PRKN: variants seen among roughly 807,000 people sequenced by gnomAD.
The protein encoded by PRKN is E3 ubiquitin-protein ligase parkin.
Under a neutral mutation model 59.5 loss-of-function variants are expected in PRKN, and 56 were observed. That is an observed-to-expected ratio of 0.94 (90% CI 0.76 to 1.18). PRKN has a LOEUF of 1.18. Ranked by LOEUF, PRKN falls within the 50% of genes most tolerant of loss-of-function variation. The probability of loss-of-function intolerance (pLI) is 0.00; values close to 1 mark genes in which losing one functional copy is unlikely to be tolerated. For missense variants in PRKN, 657 were observed against 596.4 expected (o/e 1.10, Z -1.06); for synonymous variants, 250 against 222.1 (o/e 1.13, Z -1.12).
chr6:162,602,250 G>A (rs973967867), intron 1 of PRKN, among the ~76,000 whole-genome samples: 1 of 152,188 alleles, frequency 6.6e-6, no homozygotes, highest in African/African-American at 2.4e-5. Context: ...TTGAGAGGGA[G>A]AGAAGAGAGA....
intron 6 of PRKN, among the ~76,000 whole-genome samples, chr6:161,867,414 A>G (rs1360172311): frequency 1.3e-5 from 2 of 152,228 alleles, no homozygotes; most frequent in South Asian, 2.1e-4. Context: ...GCAACCTTGT[A>G]AAAATGTAAA....
At chr6:161,674,592 G>A (rs892399914) in intron 7 of PRKN, among the ~76,000 whole-genome samples, 3 of 152,078 alleles carry the variant, frequency 2.0e-5, no homozygotes, top group African/African-American at 4.8e-5. Flanking sequence ...GGAGGTACAC[G>A]TGCTTGTTTG....
intron 1 of PRKN, 141 bp from the exon 2 acceptor site, chr6:162,443,614 A>T: frequency 2.5e-6 from 2 of 789,542 alleles, no homozygotes; most frequent in Non-Finnish European, 4.4e-6. Context: ...TACAACAAAA[A>T]ACTTAATGCT....
At chr6:162,554,025 G>T (rs1406801853) in intron 1 of PRKN, among the ~76,000 whole-genome samples, 1 of 152,104 alleles carries the variant, frequency 6.6e-6, no homozygotes, top group Non-Finnish European at 1.5e-5. Flanking sequence ...CGCAGCTGTC[G>T]CTGGAGACGC....
At position 162,636,963 on chromosome 6, in the gene PRKN, A is replaced by C. The variant is rs1777738156; in HGVS notation, c.7+90699T>G. On this transcript the variant is annotated intron_variant, in intron 1 of 11. Coordinates refer to ENST00000366898, the MANE Select transcript of PRKN (RefSeq NM_004562.3). The stretch of plus-strand genomic sequence containing the variant: ...AACGGAGCGAGATTCTGTCCCAAAA[A>C]AAAAAAGATGTGGCCAGGCATGGTG... Among the ~76,000 whole-genome samples, 8 of 152,218 alleles carry C rather than the reference A, an allele frequency of 5.3e-5. No homozygotes were observed. In the South Asian group the frequency reaches 1.5e-3, roughly 28 times the overall value.
chr6:162,700,734 T>A (rs1396822524), intron 1 of PRKN, among the ~76,000 whole-genome samples: 1 of 151,978 alleles, frequency 6.6e-6, no homozygotes, highest in Non-Finnish European at 1.5e-5. Context: ...TTCCTAACTA[T>A]CCTCAACATC....
At position 161,548,783 on chromosome 6, in the gene PRKN, T is replaced by G; in HGVS notation, c.1083+71A>C. ...GGAAAATGAAAATAAAATAAAAATA[T>G]AATCCCAGCCCATGTGCAAAAGCAA... On this transcript the variant is annotated intron_variant, in intron 9 of 11. Coordinates refer to ENST00000366898, the MANE Select transcript of PRKN (RefSeq NM_004562.3). This position sits in a 1 kb window ranked among gnomAD's most constrained non-coding sequence, Gnocchi z 4.2. 7.5e-7 allele frequency: 1 copy of G among 1,336,144 alleles called. No individual in the cohort carries two copies. Among genetic ancestry groups the G allele is most frequent in the Non-Finnish European group, 1.1e-6 (1 of 946,836 alleles). 82.8% of individuals were successfully genotyped at this position (1,336,144 alleles called of 1,614,324 possible).
chr6:162,332,732 A>G (rs1429843919), intron 2 of PRKN, among the ~76,000 whole-genome samples: 1 of 152,118 alleles, frequency 6.6e-6, no homozygotes, highest in Non-Finnish European at 1.5e-5. Context: ...GTCCCTCCAC[A>G]TGAGACACTG....
At chr6:161,975,665 G>C (rs896332952) in intron 5 of PRKN, among the ~76,000 whole-genome samples, 4 of 152,080 alleles carry the variant, frequency 2.6e-5, no homozygotes, top group African/African-American at 9.7e-5. Context: ...CCCACCCTGG[G>C]ATTTTTGTGA....
intron 6 of PRKN, among the ~76,000 whole-genome samples, chr6:161,911,810 A>G (rs1012289885): frequency 2.6e-5 from 4 of 152,216 alleles, no homozygotes; most frequent in Non-Finnish European, 5.9e-5. Context: ...TCTCCATTGT[A>G]TTCCTTAAAA....
chr6:162,476,171 C>T (rs1276152027), intron 1 of PRKN, among the ~76,000 whole-genome samples: 2 of 151,754 alleles, frequency 1.3e-5, no homozygotes, highest in Non-Finnish European at 2.9e-5. Context: ...GATTCTCCTG[C>T]CTCAGCCTCC....
chr6:161,791,198 G>T (rs1790623547), intron 6 of PRKN, among the ~76,000 whole-genome samples: 2 of 152,184 alleles, frequency 1.3e-5, no homozygotes, highest in Admixed American at 1.3e-4. Flanking sequence ...CCTTGACAAT[G>T]CCAAAGAGTT....
At chr6:162,271,551 A>C (rs937234531) in intron 2 of PRKN, 1 of 152,304 alleles carries the variant, frequency 6.6e-6, no homozygotes, top group Non-Finnish European at 1.5e-5. Context: ...TCAAAAAAAA[A>C]AAAAAAGGTG....
chr6:161,719,845 T>A (rs1787146238), intron 7 of PRKN, among the ~76,000 whole-genome samples: 1 of 152,344 alleles, frequency 6.6e-6, no homozygotes, highest in South Asian at 2.1e-4. Flanking sequence ...GTGCCCAAGC[T>A]GGTCTTGAAC....
intron 2 of PRKN, among the ~76,000 whole-genome samples, chr6:162,410,120 G>C (rs1296458652): frequency 6.6e-6 from 1 of 152,154 alleles, no homozygotes; most frequent in Admixed American, 6.5e-5. Context: ...TCTCTGTAGA[G>C]ATCTGTGAAT....
chr6:162,428,461 C>G (rs576060238), intron 2 of PRKN, among the ~76,000 whole-genome samples: 1 of 152,262 alleles, frequency 6.6e-6, no homozygotes, highest in East Asian at 1.9e-4. Context: ...AGATCGCCAC[C>G]TAAAATTTAT....
At chr6:162,532,626 C>T (rs1040360779) in intron 1 of PRKN, among the ~76,000 whole-genome samples, 4 of 152,108 alleles carry the variant, frequency 2.6e-5, no homozygotes, top group Non-Finnish European at 4.4e-5. Flanking sequence ...AATTAACTTC[C>T]GTCTGAATTA....
rs138876491 is a variant in PRKN at position 161,718,608 on chromosome 6, C to T, written c.871+67164G>A. Among the ~76,000 whole-genome samples, 348 of 152,166 alleles carry T rather than the reference C, an allele frequency of 2.3e-3. 1 individual carries two copies. Among genetic ancestry groups the T allele is most frequent in the Non-Finnish European group, 4.0e-3 (269 of 67,994 alleles). On this transcript the variant is annotated intron_variant, in intron 7 of 11. Coordinates refer to ENST00000366898, the MANE Select transcript of PRKN (RefSeq NM_004562.3). ...TCATTCTCATTCCCTAGGGTGGGCA[C>T]CCCGAGAGAAACAGCCCAGTGGCCT...
chr6:161,911,529 A>G (rs1778360626), intron 6 of PRKN, among the ~76,000 whole-genome samples: 1 of 152,178 alleles, frequency 6.6e-6, no homozygotes, highest in African/African-American at 2.4e-5. Flanking sequence ...CCTTGTGTCC[A>G]TTTTATGTCC....
Sources: gnomAD v4.1 joint callset for allele counts (sites outside exome capture counted in the v4.1 genomes callset) on GRCh38, gnomAD v4.1.1 for gene constraint, Gnocchi (gnomAD v3.1) non-coding constraint, MANE v1.5 for transcripts, NCBI Gene and HGNC (gene_info 2026-07-23, HGNC 2026-07-21) for gene names.